Variants in FSTL5 observed in about 807,000 individuals in gnomAD.
FSTL5 encodes follistatin like 5.
A neutral mutation model predicts 89.1 loss-of-function variants in FSTL5; 62 were observed. That is an observed-to-expected ratio of 0.70 (90% CI 0.57 to 0.86). FSTL5 has a LOEUF of 0.86. FSTL5 is among the 40% of genes least tolerant of loss of function. FSTL5 has a pLI of 0.00. For synonymous variants in FSTL5, 383 were observed against 346.2 expected (o/e 1.11, Z -1.18); for missense variants, 1,057 against 1,001.6 (o/e 1.06, Z -0.75).
chr4:161,437,993 C>T (rs74813987), intron 15 of FSTL5, among the ~76,000 whole-genome samples: 2,844 of 152,138 alleles, frequency 0.019, 41 homozygotes, highest in Middle Eastern at 0.037. Flanking sequence ...CTCATGTTGG[C>T]GGAGGATTAA....
chr4:161,816,307 T>A (rs1471709966), intron 4 of FSTL5, among the ~76,000 whole-genome samples: 1 of 152,266 alleles, frequency 6.6e-6, no homozygotes, highest in Non-Finnish European at 1.5e-5. Flanking sequence ...TGAAGTACTA[T>A]GTAGTTAATT....
At chr4:161,948,327 A>T (rs1734793922) in intron 3 of FSTL5, among the ~76,000 whole-genome samples, 1 of 150,982 alleles carries the variant, frequency 6.6e-6, no homozygotes, top group Non-Finnish European at 1.5e-5. Context: ...AAGAGTGATG[A>T]ATCCTGGCTC....
intron 2 of FSTL5, among the ~76,000 whole-genome samples, chr4:162,084,970 T>C (rs1370818476): frequency 6.6e-6 from 1 of 152,028 alleles, no homozygotes; most frequent in Admixed American, 6.6e-5. Flanking sequence ...TACTAAACCA[T>C]ATCACTTCTA....
intron 1 of FSTL5, among the ~76,000 whole-genome samples, chr4:162,158,755 C>T (rs2110759870): frequency 6.6e-6 from 1 of 152,068 alleles, no homozygotes; most frequent in Non-Finnish European, 1.5e-5. Context: ...TGTTACATTA[C>T]TTAATATGGG....
intron 15 of FSTL5, among the ~76,000 whole-genome samples, chr4:161,403,065 G>A (rs1156451465): frequency 2.0e-5 from 3 of 152,166 alleles, no homozygotes; most frequent in African/African-American, 4.8e-5. Context: ...TTCTGACCTC[G>A]TGATTCGCCT....
chr4:162,067,202 TG>T (rs767997569), intron 2 of FSTL5, among the ~76,000 whole-genome samples: 23 of 152,012 alleles, frequency 1.5e-4, no homozygotes, highest in Non-Finnish European at 2.9e-4. Context: ...TACAAGGCCA[TG>T]CCCCCACACC....
chr4:161,962,983 C>G (rs1735224156), intron 3 of FSTL5, among the ~76,000 whole-genome samples: 1 of 151,986 alleles, frequency 6.6e-6, no homozygotes, highest in Admixed American at 6.6e-5. Context: ...GCTTTGGGGT[C>G]AGAACTAACT....
intron 3 of FSTL5, among the ~76,000 whole-genome samples, chr4:161,961,498 TTATA>T (rs1221081544): frequency 6.8e-6 from 1 of 146,980 alleles, no homozygotes; most frequent in African/African-American, 2.5e-5. Context: ...TCAAATAATG[TTATA>T]TACATCACAT....
At chr4:161,930,701 C>A (rs904690458) in intron 3 of FSTL5, among the ~76,000 whole-genome samples, 3 of 151,760 alleles carry the variant, frequency 2.0e-5, no homozygotes, top group Non-Finnish European at 4.4e-5. Context: ...TATCTATGCT[C>A]GTAAACTCAT....
chr4:162,148,928 T>C (rs1015509569), intron 1 of FSTL5, among the ~76,000 whole-genome samples: 2 of 152,176 alleles, frequency 1.3e-5, no homozygotes, highest in Admixed American at 1.3e-4. Context: ...GAAAGGACTA[T>C]ATGTAAAACA....
intron 1 of FSTL5, among the ~76,000 whole-genome samples, chr4:162,130,736 A>G (rs907554848): frequency 2.0e-4 from 30 of 152,318 alleles, no homozygotes; most frequent in African/African-American, 6.7e-4. Flanking sequence ...GCAACAAAAA[A>G]AGCTGAGGCT....
At chr4:162,043,206 C>G (rs995552549) in intron 2 of FSTL5, 1 of 152,126 alleles carries the variant, frequency 6.6e-6, no homozygotes, top group Non-Finnish European at 1.5e-5. Context: ...TACTACTAAG[C>G]TTTGACACGA....
intron 7 of FSTL5, among the ~76,000 whole-genome samples, chr4:161,606,968 C>T (rs1295616982): frequency 2.0e-5 from 3 of 152,014 alleles, no homozygotes; most frequent in Admixed American, 2.0e-4. Context: ...AGAAGTAATA[C>T]TAGTTATTCG....
At chr4:161,943,236 C>G (rs1041403382) in intron 3 of FSTL5, among the ~76,000 whole-genome samples, 4 of 151,932 alleles carry the variant, frequency 2.6e-5, no homozygotes, top group African/African-American at 9.7e-5. Context: ...AATATTAAGA[C>G]TGCAATACTA....
chr4:161,616,760 A>G (rs1441272064), intron 7 of FSTL5, among the ~76,000 whole-genome samples: 2 of 151,886 alleles, frequency 1.3e-5, no homozygotes, highest in African/African-American at 4.8e-5. Context: ...GCAGAGCTTA[A>G]TACATCGGTG....
intron 2 of FSTL5, among the ~76,000 whole-genome samples, chr4:162,056,631 T>G (rs759107844): frequency 6.6e-6 from 1 of 152,298 alleles, no homozygotes; most frequent in Admixed American, 6.5e-5. Flanking sequence ...GCAAAATCAC[T>G]ATTTATTGTT....
rs35261391 is a variant in FSTL5 at position 161,601,329 on chromosome 4, G to GAAAAAAAAAAAAAAAAAA, written c.895-13772_895-13755dup. ...AGTGACACAAAGTCTTAAATAGTTG[G>GAAAAAAAAAAAAAAAAAA]AAAAAAAAAAAAAAAAAAAAAGGCA... is the stretch of plus-strand genomic sequence containing the variant. On this transcript the variant is annotated intron_variant, in intron 7 of 15. Transcript: ENST00000306100. Among the ~76,000 whole-genome samples the GAAAAAAAAAAAAAAAAAA allele has an allele frequency of 4.6e-5, 5 of 107,566 alleles. 2 individuals are homozygous for GAAAAAAAAAAAAAAAAAA. 70.6% of individuals were successfully genotyped at this position (107,566 alleles called of 152,430 possible).
At chr4:162,131,972 G>A (rs1732317687) in intron 1 of FSTL5, among the ~76,000 whole-genome samples, 1 of 152,206 alleles carries the variant, frequency 6.6e-6, no homozygotes, top group Non-Finnish European at 1.5e-5. Context: ...AATTTAAACA[G>A]GGATCACAGG....
At chr4:161,616,661 A>C (rs1438094131) in intron 7 of FSTL5, among the ~76,000 whole-genome samples, 1 of 152,058 alleles carries the variant, frequency 6.6e-6, no homozygotes, top group Non-Finnish European at 1.5e-5. Context: ...ATCCTGATTA[A>C]TACAGAAGGG....
Sources: gnomAD v4.1 joint callset for allele counts (sites outside exome capture counted in the v4.1 genomes callset) on GRCh38, gnomAD v4.1.1 for gene constraint, MANE v1.5 for transcripts, NCBI Gene and HGNC (gene_info 2026-07-23, HGNC 2026-07-21) for gene names.